Variants in NCAPG2 observed in about 807,000 individuals in gnomAD.
NCAPG2 encodes condensin-2 complex subunit G2.
In NCAPG2, 53 loss-of-function variants were observed where a neutral mutation model predicts 141.1. That is an observed-to-expected ratio of 0.38 (90% CI 0.30 to 0.47). The LOEUF (loss-of-function observed/expected upper bound fraction) is 0.47, where lower values mean the gene tolerates loss of function less well. Among genes scored for constraint, NCAPG2 ranks in the 20% least tolerant of loss-of-function variants. NCAPG2 has a pLI of 0.99. For synonymous variants in NCAPG2, 499 were observed against 490.7 expected (o/e 1.02, Z -0.22); for missense variants, 1,087 against 1,389.0 (o/e 0.78, Z 3.46).
intron 2 of NCAPG2, among the ~76,000 whole-genome samples, chr7:158,699,358 T>C (rs1835649367): frequency 6.6e-6 from 1 of 152,176 alleles, no homozygotes; most frequent in Admixed American, 6.5e-5. Flanking sequence ...AAATAAAAAT[T>C]TGTTCCAACA....
At chr7:158,686,107 G>T in intron 8 of NCAPG2, 65 bp downstream of exon 8, 2 of 985,170 alleles carry the variant, frequency 2.0e-6, no homozygotes, top group South Asian at 3.2e-5. Flanking sequence ...ACCCTTCTTT[G>T]ACTACTTATT....
chr7:158,689,108 TC>T (rs1834966123), intron 6 of NCAPG2, among the ~76,000 whole-genome samples: 1 of 152,164 alleles, frequency 6.6e-6, no homozygotes, highest in Non-Finnish European at 1.5e-5. Flanking sequence ...TATGCGAGCC[TC>T]TCTGTAATTC....
intron 16 of NCAPG2, among the ~76,000 whole-genome samples, chr7:158,660,038 G>C (rs1832354056): frequency 6.6e-6 from 1 of 151,958 alleles, no homozygotes; most frequent in Non-Finnish European, 1.5e-5. Flanking sequence ...CGTGAACCCG[G>C]GAGGCGAGGC....
At chr7:158,653,092 G>C (rs1055038290) in intron 22 of NCAPG2, among the ~76,000 whole-genome samples, 6 of 152,142 alleles carry the variant, frequency 3.9e-5, no homozygotes, top group African/African-American at 1.2e-4. Context: ...AAACAGGCTG[G>C]GTATGGTGGC....
intron 6 of NCAPG2, among the ~76,000 whole-genome samples, chr7:158,687,649 G>A (rs554046725): frequency 1.5e-4 from 23 of 152,312 alleles, no homozygotes; most frequent in Middle Eastern, 3.4e-3. Flanking sequence ...CCCCAGGGCC[G>A]AGCAGCCGCT....
At chr7:158,637,005 T>C (rs1465415593) in intron 27 of NCAPG2, among the ~76,000 whole-genome samples, 1 of 151,250 alleles carries the variant, frequency 6.6e-6, no homozygotes, top group Non-Finnish European at 1.5e-5. Flanking sequence ...TGGAATGCAG[T>C]GGTGTGATCT....
Position 158,671,675 on chromosome 7 carries a change from G to T in NCAPG2, c.1327-9C>A. Reference sequence around the variant, plus strand: ...AAAATCATTGGCAGACACTGCAACAGAGAGAAAGATAAACAATTCAAAATC... The same window carrying T: ...AAAATCATTGGCAGACACTGCAACATAGAGAAAGATAAACAATTCAAAATC... On this transcript the variant is annotated splice_polypyrimidine_tract_variant and intron_variant, in intron 12 of 27. Coordinates refer to ENST00000356309, the MANE Select transcript of NCAPG2 (RefSeq NM_017760.7). 1 of 1,613,016 alleles carries T rather than the reference G, an allele frequency of 6.2e-7. No individual in the cohort carries two copies. The highest frequency in any genetic ancestry group is 8.5e-7 in the Non-Finnish European group (1 of 1,179,558).
intron 5 of NCAPG2, 26 bp downstream of exon 5, chr7:158,690,542 T>C: frequency 6.2e-7 from 1 of 1,604,996 alleles, no homozygotes; most frequent in Non-Finnish European, 8.5e-7. Flanking sequence ...AGACCCTGTC[T>C]TTAAAAAAAT....
chr7:158,667,540 CCCTCCACCCG>C (rs1563539734), intron 13 of NCAPG2, among the ~76,000 whole-genome samples: 1,223 of 31,492 alleles, frequency 0.039, 389 homozygotes, highest in South Asian at 0.1. Flanking sequence ...TACCCTGTGG[CCCTCCACCCG>C]CTTACCCACT....
At chr7:158,660,623 C>T (rs992638855) in intron 16 of NCAPG2, among the ~76,000 whole-genome samples, 3 of 151,906 alleles carry the variant, frequency 2.0e-5, no homozygotes, top group Admixed American at 2.0e-4. Flanking sequence ...ACTATGTTGC[C>T]CAGGCTAGTC....
chr7:158,665,369 G>C (rs571591694), intron 13 of NCAPG2: 1 of 152,354 alleles, frequency 6.6e-6, no homozygotes. Context: ...AAAAGCATTC[G>C]AACTACCTAC....
At chr7:158,688,878 A>G (rs1834946943) in intron 6 of NCAPG2, among the ~76,000 whole-genome samples, 1 of 152,142 alleles carries the variant, frequency 6.6e-6, no homozygotes, top group Non-Finnish European at 1.5e-5. Context: ...CACCTGGAGG[A>G]AACTTATTCT....
chr7:158,686,183 T>C lies in NCAPG2; in HGVS notation c.826A>G (p.Lys276Glu). ...AAAAATGAAAATACCTCCAGTATTT[T>C]CCCTGAAGCCTTTTTCCAAGCTCTG... is the stretch of plus-strand genomic sequence containing the variant. ...YFRAWKKASG[K>E]ILEAIENDCI... Residue 276 changes from lysine (K) to glutamate (E), a missense_variant, in exon 8 of 28, where the codon AAA becomes GAA. Lys to Glu is a moderately conservative substitution (Grantham distance 56). Coordinates refer to ENST00000356309, the MANE Select transcript of NCAPG2 (RefSeq NM_017760.7). 6.4e-7 allele frequency: 1 copy of C among 1,567,870 alleles called. No individual in the cohort carries two copies. Among genetic ancestry groups the C allele is most frequent in the Non-Finnish European group, 8.7e-7 (1 of 1,155,498 alleles).
At chr7:158,685,335 A>G (rs1277800011) in intron 8 of NCAPG2, among the ~76,000 whole-genome samples, 3 of 152,218 alleles carry the variant, frequency 2.0e-5, no homozygotes, top group Non-Finnish European at 4.4e-5. Context: ...ACTATCCAAT[A>G]GAAACTGAAT....
In NCAPG2 at chr7:158,683,733, C is replaced by A. The variant is rs76876470; in HGVS notation, c.838-347G>T. On this transcript the variant is annotated intron_variant, in intron 8 of 27. Transcript: ENST00000356309. ...GTGAGTGTGGAGCCCCCTCTTCTGA[C>A]TCATCACTGACCTGGACAACCTTCA... Among the ~76,000 whole-genome samples the A allele has an allele frequency of 4.8e-3, 738 of 152,332 alleles. 43 individuals carry two copies. The East Asian group carries it at 0.11, about 24-fold the overall frequency.
In NCAPG2 at chr7:158,689,922, T is replaced by A; in HGVS notation, c.569A>T (p.His190Leu). The change falls in exon 6 of 28, where the codon CAT (histidine) becomes CTT (leucine). Residue 190 changes from histidine (H) to leucine (L), a missense_variant. By Grantham distance (99) the His-to-Leu change is moderately conservative. Transcript: ENST00000356309. Reference sequence around the variant, plus strand: ...ATAATCAAAGCAATATAAAGCTTGATGGATACGCCAAAGCCGACATACGTC... The same window carrying A: ...ATAATCAAAGCAATATAAAGCTTGAAGGATACGCCAAAGCCGACATACGTC... ...GADVCRLWRI[H>L]QALYCFDYDL... 1 of 1,601,804 alleles carries A rather than the reference T, an allele frequency of 6.2e-7. No homozygotes were observed. The highest frequency in any genetic ancestry group is 1.1e-5 in the South Asian group (1 of 87,910).
intron 13 of NCAPG2, chr7:158,667,302 C>T: frequency 3.2e-6 from 2 of 616,102 alleles, no homozygotes; most frequent in Non-Finnish European, 4.0e-6. Flanking sequence ...GTCCCTCCTC[C>T]ACCCTTAGCC....
chr7:158,684,868 A>G (rs114170493), intron 8 of NCAPG2, among the ~76,000 whole-genome samples: 3,569 of 152,260 alleles, frequency 0.023, 130 homozygotes, highest in African/African-American at 0.081. Context: ...TTTATTTTCT[A>G]GAAGTCAGTG....
chr7:158,631,549 AT>A lies in NCAPG2; in HGVS notation c.*116del. The A allele has an allele frequency of 2.9e-6, 3 of 1,021,586 alleles. No homozygotes were observed. The highest frequency in any genetic ancestry group is 4.5e-6 in the Non-Finnish European group (3 of 665,096). The allele number at this position is 1,021,586 out of a possible 1,614,324, so 63.3% of individuals were successfully genotyped here. On this transcript the variant is annotated 3_prime_UTR_variant, in exon 28 of 28. Coordinates refer to ENST00000356309, the MANE Select transcript of NCAPG2 (RefSeq NM_017760.7). ...CACCTTCCCACATTCCCACAAAAAA[AT>A]CCCACCCTTTCCCTATTATATGGGT... is the stretch of plus-strand genomic sequence containing the variant.
Sources: gnomAD v4.1 joint callset for allele counts (sites outside exome capture counted in the v4.1 genomes callset) on GRCh38, gnomAD v4.1.1 for gene constraint, MANE v1.5 for transcripts, NCBI Gene and HGNC (gene_info 2026-07-23, HGNC 2026-07-21) for gene names.